Variants in DMBX1 observed in about 807,000 individuals in gnomAD.
DMBX1 encodes the protein diencephalon/mesencephalon homeobox 1, also known as diencephalon/mesencephalon homeobox protein 1.
DMBX1 carries 7 observed loss-of-function variants against 30.4 expected under a neutral mutation model. That is an observed-to-expected ratio of 0.23 (90% CI 0.13 to 0.43). The LOEUF (loss-of-function observed/expected upper bound fraction) is 0.43. DMBX1 is among the 20% of genes least tolerant of loss of function. DMBX1 has a pLI of 1.00. For synonymous variants in DMBX1, 222 were observed against 214.2 expected (o/e 1.04, Z -0.32); for missense variants, 460 against 508.5 (o/e 0.90, Z 0.92).
In DMBX1 at chr1:46,512,029, T is replaced by C; in HGVS notation, c.683-14T>C. On this transcript the variant is annotated splice_polypyrimidine_tract_variant and intron_variant, in intron 5 of 5. Transcript: ENST00000360032. The surrounding 1 kb of genome is among the most constrained non-coding windows in gnomAD (Gnocchi z 4.8). ...TTGTCCTGAGGGCTTTGTTCTTGGGTTCTCTGCTTGCAGATTCCCCAGGCA... is the reference window on the plus strand; with the variant it reads ...TTGTCCTGAGGGCTTTGTTCTTGGGCTCTCTGCTTGCAGATTCCCCAGGCA... The C allele has an allele frequency of 6.2e-7, 1 of 1,603,852 alleles. No individual in the cohort carries two copies. Among genetic ancestry groups the C allele is most frequent in the Non-Finnish European group, 8.5e-7 (1 of 1,176,870 alleles).
chr1:46,511,221 C>G lies in DMBX1; in HGVS notation c.620C>G (p.Ala207Gly). Residue 207 changes from alanine (A) to glycine (G), a missense_variant, in exon 5 of 6, where the codon GCT becomes GGT. This residue lies in a region of DMBX1 where 334 missense variants were observed against 345.1 expected (regional missense o/e 0.97). Coordinates refer to ENST00000360032, the MANE Select transcript of DMBX1 (RefSeq NM_172225.2). ...DPRAGAEDPK[A>G]EKSPGADSKG... ...AGGGCAGGGGCTGAGGACCCCAAAG[C>G]TGAGAAGAGCCCTGGGGCTGACAGC... 6 of 1,612,660 alleles carry G rather than the reference C, an allele frequency of 3.7e-6. No homozygotes were observed. The highest frequency in any genetic ancestry group is 5.1e-6 in the Non-Finnish European group (6 of 1,179,720).
At chr1:46,501,218 CTTTCTTTCTTTCTTTCTTT>C (rs1666123378) in intron 2 of DMBX1, among the ~76,000 whole-genome samples, 61 of 85,872 alleles carry the variant, frequency 7.1e-4, no homozygotes, top group East Asian at 2.1e-3. Context: ...TCCTTCCTTT[CTTTCTTTCTTTCTTTCTTT>C]CTTTCTTTCT....
intron 2 of DMBX1, among the ~76,000 whole-genome samples, chr1:46,490,986 G>A (rs1222388120): frequency 6.6e-6 from 1 of 152,242 alleles, no homozygotes; most frequent in Non-Finnish European, 1.5e-5. Context: ...TTCCCACACT[G>A]GATGGCCGTA....
At chr1:46,502,217 C>T (rs1452518188) in intron 2 of DMBX1, among the ~76,000 whole-genome samples, 2 of 152,196 alleles carry the variant, frequency 1.3e-5, no homozygotes, top group African/African-American at 2.4e-5. Flanking sequence ...GTTGGATTCA[C>T]GTGTCAGTCA....
intron 2 of DMBX1, among the ~76,000 whole-genome samples, chr1:46,505,352 A>C (rs1484046231): frequency 1.4e-5 from 2 of 144,328 alleles, no homozygotes; most frequent in African/African-American, 5.2e-5. Flanking sequence ...AACCAACCCA[A>C]ATGTCCAACA....
At chr1:46,506,919 G>A in intron 2 of DMBX1, 80 bp from the exon 3 acceptor site, 5 of 1,523,736 alleles carry the variant, frequency 3.3e-6, no homozygotes, top group Non-Finnish European at 4.5e-6. Flanking sequence ...GGCATCCAGG[G>A]TCTGGACTGG....
chr1:46,507,176 G>A lies in DMBX1; in HGVS notation c.154+12G>A. Reference sequence around the variant, plus strand: ...TGAGCGCCTGGCTGGTAAGGGCCCTGGGGATGGGACCATGGGGACAGGACT... The same window carrying A: ...TGAGCGCCTGGCTGGTAAGGGCCCTAGGGATGGGACCATGGGGACAGGACT... On this transcript the variant is annotated intron_variant, in intron 3 of 5. Transcript: ENST00000360032. 6.2e-7 allele frequency: 1 copy of A among 1,613,962 alleles called. No individual in the cohort carries two copies. Among genetic ancestry groups the A allele is most frequent in the South Asian group, 1.1e-5 (1 of 91,062 alleles).
chr1:46,496,160 C>T (rs938429946), intron 2 of DMBX1, among the ~76,000 whole-genome samples: 5 of 152,194 alleles, frequency 3.3e-5, no homozygotes, highest in African/African-American at 9.6e-5. Context: ...GAGGGTTCAG[C>T]GTAACCCAGG....
chr1:46,515,473 G>C lies in DMBX1; in HGVS notation c.*2979G>C, dbSNP rs1570570. Reference sequence around the variant, plus strand: ...AGGCAGGCCCACCTTAGGAGCAGCCGAGCTTCCCTCAGATGTTTGTTAACA... The same window carrying C: ...AGGCAGGCCCACCTTAGGAGCAGCCCAGCTTCCCTCAGATGTTTGTTAACA... On this transcript the variant is annotated 3_prime_UTR_variant, in exon 6 of 6. Transcript: ENST00000360032. Among the ~76,000 whole-genome samples, 141,887 of 152,298 alleles carry C rather than the reference G, an allele frequency of 0.93. 66,250 individuals carry two copies. Among genetic ancestry groups the C allele is most frequent in the East Asian group, 1 (5,165 of 5,168 alleles).
rs1281479650 is a variant in DMBX1, at chr1:46,493,588, T to G, written c.-13+2805T>G. 6.6e-6 allele frequency among the ~76,000 whole-genome samples: 1 copy of G among 152,248 alleles called. No homozygotes were observed. The highest frequency in any genetic ancestry group is 2.4e-5 in the African/African-American group (1 of 41,472). On this transcript the variant is annotated intron_variant, in intron 2 of 5. Transcript: ENST00000360032. The surrounding 1 kb of genome is among the most constrained non-coding windows in gnomAD (Gnocchi z 4.1). ...CTGGCAAAGGGGAGTTCCCTGGATATGACAGCGGCAGGAGGGAGCACATTT... is the reference window on the plus strand; with the variant it reads ...CTGGCAAAGGGGAGTTCCCTGGATAGGACAGCGGCAGGAGGGAGCACATTT...
chr1:46,492,675 G>A (rs1665951303), intron 2 of DMBX1, among the ~76,000 whole-genome samples: 1 of 152,130 alleles, frequency 6.6e-6, no homozygotes, highest in South Asian at 2.1e-4. Flanking sequence ...GTCACACACA[G>A]ACACACATAC....
At position 46,491,089 on chromosome 1, in the gene DMBX1, C is replaced by T. The variant is rs1279779963; in HGVS notation, c.-13+306C>T. Among the ~76,000 whole-genome samples the T allele has an allele frequency of 1.3e-5, 2 of 152,238 alleles. No individual in the cohort carries two copies. Among genetic ancestry groups the T allele is most frequent in the Non-Finnish European group, 2.9e-5 (2 of 68,048 alleles). On this transcript the variant is annotated intron_variant, in intron 2 of 5. Coordinates refer to ENST00000360032, the MANE Select transcript of DMBX1 (RefSeq NM_172225.2). The surrounding 1 kb of genome is among the most constrained non-coding windows in gnomAD (Gnocchi z 5.5). ...TGAACTTTCTGGCGGTCACAAATTC[C>T]CGGAACCTGCGCAGGGGCTTCGTTG...
chr1:46,494,862 C>T lies in DMBX1; in HGVS notation c.-13+4079C>T, dbSNP rs79702151. Among the ~76,000 whole-genome samples the T allele has an allele frequency of 8.8e-3, 1,334 of 152,298 alleles. 17 individuals are homozygous for T. Among genetic ancestry groups the T allele is most frequent in the East Asian group, 0.065 (336 of 5,184 alleles). ...GACCCCCCACAGCTCATCCCCTTCC[C>T]ATATGGATCAGGCAATGCAGGGTTA... On this transcript the variant is annotated intron_variant, in intron 2 of 5. Coordinates refer to ENST00000360032, the MANE Select transcript of DMBX1 (RefSeq NM_172225.2).
At position 46,493,316 on chromosome 1, in the gene DMBX1, G is replaced by A. The variant is rs1665966384; in HGVS notation, c.-13+2533G>A. ...TCATCCTGCACTGAGTGCCTCTCCT[G>A]TCTGACCTTGAGCGAGTCTCAGTTT... On this transcript the variant is annotated intron_variant, in intron 2 of 5. Transcript: ENST00000360032. This position sits in a 1 kb window ranked among gnomAD's most constrained non-coding sequence, Gnocchi z 4.1. 6.6e-6 allele frequency among the ~76,000 whole-genome samples: 1 copy of A among 152,334 alleles called. No homozygotes were observed. The highest frequency in any genetic ancestry group is 3.4e-3 in the Middle Eastern group (1 of 294).
chr1:46,499,553 C>T (rs1383418342), intron 2 of DMBX1, among the ~76,000 whole-genome samples: 1 of 152,230 alleles, frequency 6.6e-6, no homozygotes, highest in Non-Finnish European at 1.5e-5. Context: ...ATTTCTGAAT[C>T]TGTAAAATGG....
At chr1:46,508,405 A>G (rs1287200338) in intron 3 of DMBX1, among the ~76,000 whole-genome samples, 2 of 152,322 alleles carry the variant, frequency 1.3e-5, no homozygotes, top group South Asian at 2.1e-4. Context: ...CCACCTGGGT[A>G]GCAGCACTGG....
intron 3 of DMBX1, among the ~76,000 whole-genome samples, chr1:46,507,909 C>A (rs12759113): frequency 0.36 from 54,721 of 151,984 alleles, 10,686 homozygotes; most frequent in Non-Finnish European, 0.45. Flanking sequence ...AAGCATTCAG[C>A]AGAGCCTGGT....
At position 46,501,234 on chromosome 1, in the gene DMBX1, C is replaced by CTTTT. The variant is rs1557786061; in HGVS notation, c.-12-5762_-12-5761insTTTT. On this transcript the variant is annotated intron_variant, in intron 2 of 5. Transcript: ENST00000360032. The stretch of plus-strand genomic sequence containing the variant: ...CCTTCCTTTCTTTCTTTCTTTCTTT[C>CTTTT]TTTCTTTCTTTCTTTCTTTCTTTCT... Among the ~76,000 whole-genome samples, 51 of 123,794 alleles carry CTTTT rather than the reference C, an allele frequency of 4.1e-4. 2 individuals carry two copies. Among genetic ancestry groups the CTTTT allele is most frequent in the African/African-American group, 1.3e-3 (40 of 29,864 alleles). The allele number at this position is 123,794 out of a possible 152,430, so 81.2% of individuals were successfully genotyped here. A position where few individuals can be genotyped will look rare whatever the true frequency, so the allele number is the denominator to read the frequency against.
At chr1:46,507,927 C>T (rs1328564525) in intron 3 of DMBX1, among the ~76,000 whole-genome samples, 1 of 152,038 alleles carries the variant, frequency 6.6e-6, no homozygotes, top group African/African-American at 2.4e-5. Flanking sequence ...GGTAGGTGCT[C>T]AGAGGTCATT....
Sources: allele counts gnomAD v4.1 joint callset (sites outside exome capture counted in the v4.1 genomes callset), GRCh38; gene constraint gnomAD v4.1.1; regional missense constraint gnomAD v4.1.1; non-coding constraint Gnocchi (gnomAD v3.1); transcripts MANE v1.5; gene names NCBI Gene and HGNC (gene_info 2026-07-23, HGNC 2026-07-21).